RBM38: variants seen among roughly 807,000 people sequenced by gnomAD.
The protein encoded by RBM38 is RNA-binding protein 38.
In RBM38, 11 loss-of-function variants were observed where a neutral mutation model predicts 23.5. The observed-to-expected ratio is 0.47, with a 90% CI of 0.29 to 0.77. RBM38 has a LOEUF of 0.77. Ranked by LOEUF, RBM38 falls within the 30% of genes least tolerant of loss-of-function variation. The pLI, the probability that RBM38 is intolerant of heterozygous loss-of-function variation, is 0.08. For missense variants in RBM38, 330 were observed against 351.9 expected (o/e 0.94, Z 0.50); for synonymous variants, 165 against 166.1 (o/e 0.99, Z 0.05).
At chr20:57,402,799 C>T (rs546188894) in intron 3 of RBM38, among the ~76,000 whole-genome samples, 21 of 152,250 alleles carry the variant, frequency 1.4e-4, no homozygotes, top group Non-Finnish European at 2.5e-4. Context: ...TCAGTGGGTT[C>T]GCCCATGCGT....
chr20:57,392,660 A>G lies in RBM38; in HGVS notation c.244A>G (p.Met82Val), dbSNP rs1278596971. The G allele has an allele frequency of 3.1e-6, 5 of 1,611,716 alleles. No individual in the cohort carries two copies. Among genetic ancestry groups the G allele is most frequent in the East Asian group, 4.5e-5 (2 of 44,882 alleles). The change falls in exon 2 of 4, where the codon ATG becomes GTG. Residue 82 changes from methionine (M) to valine (V), a missense_variant. Coordinates refer to ENST00000356208, the MANE Select transcript of RBM38 (RefSeq NM_017495.6). ...TGTGTCTCTGCTCCACCAGGTGACC[A>G]TGGCCGACCGGGCGGCAGCTGAGAG... is the stretch of plus-strand genomic sequence containing the variant. ...GKSRGYGFVTMADRAAAERAC... is the reference protein window; with the variant it reads ...GKSRGYGFVTVADRAAAERAC...
rs2067299424 is a variant in RBM38, at chr20:57,398,700, C to T, written c.416+5367C>T. Among the ~76,000 whole-genome samples the T allele has an allele frequency of 2.0e-5, 3 of 152,246 alleles. No individual in the cohort carries two copies. The South Asian group carries it at 6.2e-4, about 31-fold the overall frequency. On this transcript the variant is annotated intron_variant, in intron 3 of 3. Coordinates refer to ENST00000356208, the MANE Select transcript of RBM38 (RefSeq NM_017495.6). ...CAGCCTTTGGGTGGCGGGGGCTCTT[C>T]TCCGAGCATGAGTTCTCACCCTGGC...
chr20:57,405,719 A>C (rs1394698473), intron 3 of RBM38, among the ~76,000 whole-genome samples: 3 of 151,970 alleles, frequency 2.0e-5, no homozygotes, highest in African/African-American at 4.8e-5. Context: ...GCTGGAAGCC[A>C]GGGCTCCTCT....
In RBM38 at chr20:57,392,747, C is replaced by T. The variant is rs764016673; in HGVS notation, c.331C>T (p.Leu111=). The change falls in exon 2 of 4, where the codon CTG becomes TTG. Residue 111 remains leucine (L), a synonymous_variant. Transcript: ENST00000356208. ...CAAGGCCAACGTGAACCTGGCATAT[C>T]TGGGCGCCAAGCCGCGGAGCCTCCA... ...GRKANVNLAY[L]GAKPRSLQTG... 2 of 1,612,958 alleles carry T rather than the reference C, an allele frequency of 1.2e-6. No individual in the cohort carries two copies. Among genetic ancestry groups the T allele is most frequent in the Admixed American group, 1.7e-5 (1 of 60,000 alleles).
chr20:57,395,328 T>TG (rs1387597008), intron 3 of RBM38, among the ~76,000 whole-genome samples: 3 of 151,876 alleles, frequency 2.0e-5, no homozygotes, highest in Admixed American at 6.6e-5. Flanking sequence ...GCTTTCTTGG[T>TG]GGGGGACGGT....
rs940027995 is a variant in RBM38 at position 57,408,268 on chromosome 20, C to G, written c.*422C>G. 1 of 236,688 alleles carries G rather than the reference C, an allele frequency of 4.2e-6. No homozygotes were observed. The highest frequency in any genetic ancestry group is 8.4e-6 in the Non-Finnish European group (1 of 118,906). 14.7% of individuals were successfully genotyped at this position (236,688 alleles called of 1,614,324 possible). ...CAGAGATGCCTGACTCCAGGGAAAC[C>G]TGAAAGCAAGAAGTTAATGGACTGT... On this transcript the variant is annotated 3_prime_UTR_variant, in exon 4 of 4. Coordinates refer to ENST00000356208, the MANE Select transcript of RBM38 (RefSeq NM_017495.6).
chr20:57,402,520 C>T (rs549430751), intron 3 of RBM38, among the ~76,000 whole-genome samples: 2 of 152,336 alleles, frequency 1.3e-5, no homozygotes, highest in South Asian at 2.1e-4. Flanking sequence ...CAGGCAGACA[C>T]GTGCCCTGGC....
intron 3 of RBM38, among the ~76,000 whole-genome samples, chr20:57,404,562 C>T (rs974773534): frequency 6.6e-6 from 1 of 152,226 alleles, no homozygotes; most frequent in Admixed American, 6.5e-5. Flanking sequence ...CAAGGGAGGC[C>T]TCCGAGACCC....
chr20:57,407,576 C>T lies in RBM38; in HGVS notation c.450C>T (p.Ile150=), dbSNP rs569633738. 26 of 1,613,652 alleles carry T rather than the reference C, an allele frequency of 1.6e-5. No individual in the cohort carries two copies. The highest frequency in any genetic ancestry group is 8.8e-5 in the South Asian group (8 of 91,068). ...CGCACTACATCTACCCACCAGCCAT[C>T]GTGCAGCCCAGCGTGGTGATCCCAG... ...LTPHYIYPPA[I]VQPSVVIPAA... Residue 150 remains isoleucine (I), a synonymous_variant, in exon 4 of 4, where the codon ATC becomes ATT. Transcript: ENST00000356208. This position sits in a 1 kb window ranked among gnomAD's most constrained non-coding sequence, Gnocchi z 4.0.
rs886676101 is a variant in RBM38, at chr20:57,396,519, A to G, written c.416+3186A>G. Among the ~76,000 whole-genome samples, 8 of 152,244 alleles carry G rather than the reference A, an allele frequency of 5.3e-5. No homozygotes were observed. The East Asian group carries it at 1.3e-3, about 26-fold the overall frequency. ...GTTTGTCCTGGGACTAGCTGCACCC[A>G]GAGCCTCTCCTTGGGTTATTTTTGA... is the stretch of plus-strand genomic sequence containing the variant. On this transcript the variant is annotated intron_variant, in intron 3 of 3. Transcript: ENST00000356208.
intron 3 of RBM38, 135 bp downstream of exon 3, chr20:57,393,468 A>T: frequency 2.0e-6 from 2 of 988,310 alleles, no homozygotes; most frequent in Non-Finnish European, 3.2e-6. Context: ...AAGGGAGTGA[A>T]GAGAAGGCAG....
rs1387851226 is a variant in RBM38, at chr20:57,407,530, C to T, written c.417-13C>T. ...TCCGTTCTGGCCCTAACCTGCTCTG[C>T]TTGGCCCCACAGGCTGACCCCGCAC... is the stretch of plus-strand genomic sequence containing the variant. On this transcript the variant is annotated splice_polypyrimidine_tract_variant and intron_variant, in intron 3 of 3. Transcript: ENST00000356208. The surrounding 1 kb of genome is among the most constrained non-coding windows in gnomAD (Gnocchi z 4.0). 4 of 1,611,624 alleles carry T rather than the reference C, an allele frequency of 2.5e-6. No homozygotes were observed. The highest frequency in any genetic ancestry group is 3.4e-6 in the Non-Finnish European group (4 of 1,178,598).
intron 3 of RBM38, among the ~76,000 whole-genome samples, chr20:57,400,729 C>T (rs966167808): frequency 1.3e-5 from 2 of 151,832 alleles, no homozygotes; most frequent in Non-Finnish European, 1.5e-5. Context: ...AACAGATCCG[C>T]CTCTGATTGG....
Position 57,407,670 on chromosome 20 carries a change from T to C in RBM38, c.544T>C (p.Tyr182His). 1 of 1,612,790 alleles carries C rather than the reference T, an allele frequency of 6.2e-7. No homozygotes were observed. The highest frequency in any genetic ancestry group is 8.5e-7 in the Non-Finnish European group (1 of 1,179,690). Reference sequence around the variant, plus strand: ...GCCGGCCAGCCCGGCCTACGCCCAGTACCCACCGGCCACCTATGACCAGTA... The same window carrying C: ...GCCGGCCAGCCCGGCCTACGCCCAGCACCCACCGGCCACCTATGACCAGTA... ...YTPASPAYAQYPPATYDQYPY... is the reference protein window; with the variant it reads ...YTPASPAYAQHPPATYDQYPY... Residue 182 changes from tyrosine to histidine, a missense_variant, in exon 4 of 4, where the codon TAC (tyrosine) becomes CAC (histidine). Transcript: ENST00000356208. The surrounding 1 kb of genome is among the most constrained non-coding windows in gnomAD (Gnocchi z 4.0).
chr20:57,392,986 G>A (rs977607086), intron 2 of RBM38: 1 of 746,006 alleles, frequency 1.3e-6, no homozygotes, highest in East Asian at 2.7e-5. Context: ...GCGGGGGGCA[G>A]GGAGGGTACT....
At position 57,394,076 on chromosome 20, in the gene RBM38, C is replaced by T. The variant is rs143740704; in HGVS notation, c.416+743C>T. Among the ~76,000 whole-genome samples the T allele has an allele frequency of 9.7e-4, 148 of 152,224 alleles. 1 individual carries two copies. Among genetic ancestry groups the T allele is most frequent in the Non-Finnish European group, 1.2e-3 (79 of 68,018 alleles). On this transcript the variant is annotated intron_variant, in intron 3 of 3. Transcript: ENST00000356208. ...GATGGATGGAAGCTGTCTGCCCTAG[C>T]GCCGTGGCATATTGATGGGGTTGGA...
In RBM38 at chr20:57,407,988, T is replaced by C; in HGVS notation, c.*142T>C. On this transcript the variant is annotated 3_prime_UTR_variant, in exon 4 of 4. Coordinates refer to ENST00000356208, the MANE Select transcript of RBM38 (RefSeq NM_017495.6). This position sits in a 1 kb window ranked among gnomAD's most constrained non-coding sequence, Gnocchi z 4.0. ...GTGCCTCCGAAGACCGCTCGGGCAT[T>C]CCGCCTGCGCCCTGGGACAGCGGAG... 2.0e-6 allele frequency: 2 copies of C among 1,004,204 alleles called. No individual in the cohort carries two copies. The highest frequency in any genetic ancestry group is 2.6e-5 in the East Asian group (1 of 38,126). 62.2% of individuals were successfully genotyped at this position (1,004,204 alleles called of 1,614,324 possible).
Position 57,408,081 on chromosome 20 carries a change from A to G in RBM38, c.*235A>G. 1 of 592,380 alleles carries G rather than the reference A, an allele frequency of 1.7e-6. No individual in the cohort carries two copies. Among genetic ancestry groups the G allele is most frequent in the Non-Finnish European group, 3.0e-6 (1 of 335,252 alleles). The allele number at this position is 592,380 out of a possible 1,614,324, so 36.7% of individuals were successfully genotyped here. A position where few individuals can be genotyped will look rare whatever the true frequency, so the allele number is the denominator to read the frequency against. On this transcript the variant is annotated 3_prime_UTR_variant, in exon 4 of 4. Coordinates refer to ENST00000356208, the MANE Select transcript of RBM38 (RefSeq NM_017495.6). ...AGGACTTTAAGAATGACTGAGAACT[A>G]TTTAAAGACGCAATCCCAGGTTCCT...
intron 3 of RBM38, among the ~76,000 whole-genome samples, chr20:57,394,110 G>T (rs1045250515): frequency 6.6e-5 from 10 of 152,142 alleles, no homozygotes; most frequent in African/African-American, 1.7e-4. Flanking sequence ...GAGTTGGAGG[G>T]GAAGGCAGCT....
Sources: allele counts gnomAD v4.1 joint callset (sites outside exome capture counted in the v4.1 genomes callset), GRCh38; gene constraint gnomAD v4.1.1; non-coding constraint Gnocchi (gnomAD v3.1); transcripts MANE v1.5; gene names NCBI Gene and HGNC (gene_info 2026-07-23, HGNC 2026-07-21).